The following AKAP13 variants were observed in gnomAD, a reference collection of about 807,000 sequenced individuals.
AKAP13 encodes the protein A-kinase anchor protein 13.
A neutral mutation model predicts 264.5 loss-of-function variants in AKAP13; 80 were observed. The observed-to-expected ratio is 0.30, with a 90% CI of 0.25 to 0.36. AKAP13 has a LOEUF of 0.36. Ranked by LOEUF, AKAP13 falls within the 10% of genes least tolerant of loss-of-function variation. AKAP13 has a pLI of 1.00. For synonymous variants in AKAP13, 1,380 were observed against 1,250.2 expected, an observed-to-expected ratio of 1.10 and a Z score of -2.19; for missense variants, 3,712 against 3,435.2, an observed-to-expected ratio of 1.08 and a Z score of -2.01.
Position 85,543,965 on chromosome 15 carries a change from CCTT to C in AKAP13, c.662+13_662+15del, listed in dbSNP as rs757523187. 1 of 1,610,928 alleles carries C rather than the reference CCTT, an allele frequency of 6.2e-7. No homozygotes were observed. The highest frequency in any genetic ancestry group is 1.3e-5 in the African/African-American group (1 of 74,940). Reference sequence around the variant, plus strand: ...ACCAGCTTCTAACCGAGTAAGTGCTCCTTCTGCCTTATTTCCCTCCTCTCATCC... The same window carrying C: ...ACCAGCTTCTAACCGAGTAAGTGCTCCTGCCTTATTTCCCTCCTCTCATCC... On this transcript the variant is annotated intron_variant, in intron 5 of 36. Transcript: ENST00000394518.
intron 2 of AKAP13, among the ~76,000 whole-genome samples, chr15:85,491,211 C>T (rs2075711697): frequency 6.6e-6 from 1 of 151,968 alleles, no homozygotes; most frequent in Non-Finnish European, 1.5e-5. Flanking sequence ...TACCTTCCCT[C>T]ACATCTGAAC....
chr15:85,521,462 A>T lies in AKAP13; in HGVS notation c.68A>T (p.Glu23Val). ...GTTGTTACAGTGCTGCTTGCTGAAG[A>T]GGACAAAGCTGAAGATGATGTAGTG... The part of the protein sequence containing the change: ...DCVVTVLLAE[E>V]DKAEDDVVFY... The change falls in exon 3 of 37, where the codon GAG becomes GTG. Residue 23 changes from glutamate to valine, a missense_variant. Glu to Val is a moderately radical substitution (Grantham distance 121). Transcript: ENST00000394518. 2.5e-6 allele frequency: 4 copies of T among 1,614,116 alleles called. No individual in the cohort carries two copies. The highest frequency in any genetic ancestry group is 3.4e-6 in the Non-Finnish European group (4 of 1,179,976).
intron 4 of AKAP13, among the ~76,000 whole-genome samples, chr15:85,539,357 G>T (rs1406928415): frequency 1.3e-5 from 2 of 151,844 alleles, no homozygotes; most frequent in Admixed American, 1.3e-4. Flanking sequence ...TCTCACAGTG[G>T]CCTGTTCTCC....
At chr15:85,440,465 A>G (rs1037525466) in intron 1 of AKAP13, among the ~76,000 whole-genome samples, 34 of 152,206 alleles carry the variant, frequency 2.2e-4, no homozygotes, top group African/African-American at 7.5e-4. Context: ...TGACTTTGAT[A>G]CTGAAGAGCT....
intron 1 of AKAP13, among the ~76,000 whole-genome samples, chr15:85,478,032 A>G (rs554192330): frequency 6.6e-6 from 1 of 152,296 alleles, no homozygotes; most frequent in East Asian, 1.9e-4. Flanking sequence ...TGCTTCTTCC[A>G]GTAATCTCTG....
chr15:85,619,990 C>T (rs1596748542), intron 8 of AKAP13: 6 of 1,503,926 alleles, frequency 4.0e-6, no homozygotes, highest in African/African-American at 1.4e-5. Context: ...ATCTCCACCA[C>T]CTAACCGTGA....
chr15:85,620,638 C>G (rs1230457451), intron 8 of AKAP13, among the ~76,000 whole-genome samples: 1 of 152,064 alleles, frequency 6.6e-6, no homozygotes, highest in Non-Finnish European at 1.5e-5. Flanking sequence ...TCGTTCAATT[C>G]TTTAGGGGAA....
In AKAP13 at chr15:85,482,310, T is replaced by A. The variant is rs1234032098; in HGVS notation, c.-11-3400T>A. ...GGGCATCTCCCTCATTTGCTATTCC[T>A]TCTTCTGTTTTATTTTTCTCTATAG... is the stretch of plus-strand genomic sequence containing the variant. On this transcript the variant is annotated intron_variant, in intron 1 of 36. Coordinates refer to ENST00000394518, the MANE Select transcript of AKAP13 (RefSeq NM_007200.5). Among the ~76,000 whole-genome samples the A allele has an allele frequency of 2.0e-5, 3 of 152,230 alleles. No homozygotes were observed. In the East Asian group the frequency reaches 5.8e-4, roughly 29 times the overall value.
intron 8 of AKAP13, among the ~76,000 whole-genome samples, chr15:85,628,163 A>T (rs981563248): frequency 6.6e-6 from 1 of 152,248 alleles, no homozygotes; most frequent in Non-Finnish European, 1.5e-5. Flanking sequence ...GTATATATCT[A>T]TCATCTTGGG....
Position 85,580,096 on chromosome 15 carries a change from C to T in AKAP13, c.2028C>T (p.Gly676=), listed in dbSNP as rs2079122445. The T allele has an allele frequency of 1.2e-6, 2 of 1,614,178 alleles. No individual in the cohort carries two copies. The highest frequency in any genetic ancestry group is 8.5e-7 in the Non-Finnish European group (1 of 1,180,038). The change falls in exon 7 of 37, where the codon GGC becomes GGT. Residue 676 remains glycine (G), a synonymous_variant. Coordinates refer to ENST00000394518, the MANE Select transcript of AKAP13 (RefSeq NM_007200.5). ...AACAGAACACAGTGACTTCTAGTGGCGATTTGGTTGCAAAACTGTGTGATA... is the reference window on the plus strand; with the variant it reads ...AACAGAACACAGTGACTTCTAGTGGTGATTTGGTTGCAAAACTGTGTGATA... ...ACQQNTVTSS[G]DLVAKLCDNI...
intron 1 of AKAP13, among the ~76,000 whole-genome samples, chr15:85,478,455 C>T (rs1192266093): frequency 6.6e-6 from 1 of 152,100 alleles, no homozygotes; most frequent in Non-Finnish European, 1.5e-5. Context: ...TGTAAGAGTT[C>T]TGATTTTTTT....
chr15:85,456,217 C>T (rs865907226), intron 1 of AKAP13, among the ~76,000 whole-genome samples: 8 of 152,208 alleles, frequency 5.3e-5, no homozygotes, highest in Middle Eastern at 3.2e-3. Flanking sequence ...ATTCATTCTT[C>T]TTCTTGTAAG....
intron 1 of AKAP13, among the ~76,000 whole-genome samples, chr15:85,480,698 T>C (rs2075324562): frequency 6.6e-6 from 1 of 152,158 alleles, no homozygotes; most frequent in Non-Finnish European, 1.5e-5. Context: ...TCTTCTTATT[T>C]TTTTTTGAGA....
chr15:85,646,104 C>A, intron 10 of AKAP13, 150 bp downstream of exon 10: 2 of 940,686 alleles, frequency 2.1e-6, no homozygotes, highest in Non-Finnish European at 3.1e-6. Context: ...ATCCAGCTAG[C>A]CTTGTAGGGC....
At chr15:85,524,314 A>C (rs1448487297) in intron 3 of AKAP13, among the ~76,000 whole-genome samples, 2 of 151,476 alleles carry the variant, frequency 1.3e-5, no homozygotes, top group Non-Finnish European at 2.9e-5. Flanking sequence ...AGCAGCTGGG[A>C]TTACAGGCGT....
At chr15:85,438,195 C>T (rs915714685) in intron 1 of AKAP13, among the ~76,000 whole-genome samples, 1 of 143,078 alleles carries the variant, frequency 7.0e-6, no homozygotes, top group Non-Finnish European at 1.5e-5. Context: ...AGAGCCAAAT[C>T]ATGAGTGAAC....
rs1172529660 is a variant in AKAP13 at position 85,585,922 on chromosome 15, C to A, written c.4161+99C>A. ...TGTCTTTTATTTGAGGGTAAGTGGG[C>A]AAAATAGTATTTTCCCCCTTCCCTC... On this transcript the variant is annotated intron_variant, in intron 8 of 36. Transcript: ENST00000394518. 1.5e-5 allele frequency: 22 copies of A among 1,461,160 alleles called. No homozygotes were observed. In the Admixed American group the frequency reaches 3.1e-4, roughly 20 times the overall value. The allele number at this position is 1,461,160 out of a possible 1,614,324, so 90.5% of individuals were successfully genotyped here. A position where few individuals can be genotyped will look rare whatever the true frequency, so the allele number is the denominator to read the frequency against.
At chr15:85,490,490 A>T (rs2075691878) in intron 2 of AKAP13, among the ~76,000 whole-genome samples, 1 of 152,256 alleles carries the variant, frequency 6.6e-6, no homozygotes, top group Non-Finnish European at 1.5e-5. Context: ...TTTTGACACC[A>T]TGTGACTGTA....
In AKAP13 at chr15:85,722,048, C is replaced by T. The variant is rs776351086; in HGVS notation, c.6310C>T (p.His2104Tyr). The change falls in exon 24 of 37, where the codon CAT (histidine) becomes TAT (tyrosine). Residue 2104 changes from histidine (H) to tyrosine (Y), a missense_variant. This residue lies in a region of AKAP13 where 342 missense variants were observed against 484.3 expected (regional missense o/e 0.71). Coordinates refer to ENST00000394518, the MANE Select transcript of AKAP13 (RefSeq NM_007200.5). ...GACATATGGCAAGTTTTGTGGGCAA[C>T]ATAACCAGTCTGTAAACTACTTCAA... ...KKTYGKFCGQ[H>Y]NQSVNYFKDL... is the part of the protein sequence containing the mutation. 2 of 1,614,138 alleles carry T rather than the reference C, an allele frequency of 1.2e-6. No homozygotes were observed. The highest frequency in any genetic ancestry group is 3.3e-5 in the Admixed American group (2 of 60,016).
Sources: gnomAD v4.1 joint callset for allele counts (sites outside exome capture counted in the v4.1 genomes callset) on GRCh38, gnomAD v4.1.1 for gene constraint, gnomAD v4.1.1 regional missense constraint, MANE v1.5 for transcripts, NCBI Gene and HGNC (gene_info 2026-07-23, HGNC 2026-07-21) for gene names.